MIER2: variants seen among roughly 807,000 people sequenced by gnomAD.
MIER2 encodes the protein mesoderm induction early response protein 2.
Under a neutral mutation model 67.6 loss-of-function variants are expected in MIER2, and 30 were observed. That is an observed-to-expected ratio of 0.44 (90% CI 0.33 to 0.60). MIER2 has a LOEUF of 0.60. Ranked by LOEUF, MIER2 falls within the 20% of genes least tolerant of loss-of-function variation. MIER2 has a pLI of 0.02. For missense variants in MIER2, 702 were observed against 745.1 expected (o/e 0.94, Z 0.67); for synonymous variants, 372 against 312.6 (o/e 1.19, Z -2.00).
intron 10 of MIER2, among the ~76,000 whole-genome samples, chr19:310,367 C>T (rs1178852077): frequency 2.0e-5 from 3 of 152,208 alleles, no homozygotes; most frequent in African/African-American, 4.8e-5. Flanking sequence ...CTCAAACGCA[C>T]GCCACGAGGG....
intron 6 of MIER2, among the ~76,000 whole-genome samples, chr19:326,092 G>A (rs186946563): frequency 2.2e-4 from 34 of 152,384 alleles, no homozygotes; most frequent in Admixed American, 2.6e-4. Flanking sequence ...AGCAGGACCC[G>A]GCTGCGGTTA....
chr19:317,841 C>T (rs1971324298), intron 7 of MIER2, among the ~76,000 whole-genome samples: 1 of 151,578 alleles, frequency 6.6e-6, no homozygotes, highest in Admixed American at 6.6e-5. Context: ...ACATGACATA[C>T]AAGTGATTTA....
intron 1 of MIER2, chr19:343,949 T>C (rs1273614099): frequency 1.4e-5 from 14 of 985,456 alleles, no homozygotes; most frequent in Non-Finnish European, 1.6e-5. Context: ...AAGCTATCTG[T>C]TGTCTTATCC....
At chr19:324,138 C>T (rs1047416960) in intron 7 of MIER2, among the ~76,000 whole-genome samples, 10 of 137,152 alleles carry the variant, frequency 7.3e-5, no homozygotes, top group South Asian at 4.4e-4. Flanking sequence ...ACCACACAGA[C>T]GACTCGAATG....
In MIER2 at chr19:308,265, G is replaced by A. The variant is rs540194551; in HGVS notation, c.1198+312C>T. On this transcript the variant is annotated intron_variant, in intron 12 of 13. Coordinates refer to ENST00000264819, the MANE Select transcript of MIER2 (RefSeq NM_017550.3). This position sits in a 1 kb window ranked among gnomAD's most constrained non-coding sequence, Gnocchi z 9.1. ...CGGGCTAAGTCCCCACCCTGGGGCA[G>A]GAAGGCCCTCCCCGGAGACTGAGGC... Among the ~76,000 whole-genome samples, 23 of 152,298 alleles carry A rather than the reference G, an allele frequency of 1.5e-4. No individual in the cohort carries two copies. The East Asian group carries it at 2.9e-3, about 19-fold the overall frequency.
At chr19:341,301 G>A (rs1424021030) in intron 1 of MIER2, among the ~76,000 whole-genome samples, 21 of 141,328 alleles carry the variant, frequency 1.5e-4, no homozygotes. Context: ...AGTCCCGCAG[G>A]CTTGAGATCC....
In MIER2 at chr19:306,599, G is replaced by C. The variant is rs992192601; in HGVS notation, c.*91C>G. ...GGAGGTGCTACCCCAAGGCCCGGGG[G>C]GTGGGGAAGGGGTCAGGAAGACTGA... is the stretch of plus-strand genomic sequence containing the variant. On this transcript the variant is annotated 3_prime_UTR_variant, in exon 14 of 14. Transcript: ENST00000264819. The C allele has an allele frequency of 4.7e-6, 7 of 1,504,606 alleles. No individual in the cohort carries two copies. In the African/African-American group the frequency reaches 9.7e-5, roughly 21 times the overall value. The allele number at this position is 1,504,606 out of a possible 1,614,324, so 93.2% of individuals were successfully genotyped here. A position where few individuals can be genotyped will look rare whatever the true frequency, so the allele number is the denominator to read the frequency against.
At chr19:310,331 C>A (rs1217280965) in intron 10 of MIER2, among the ~76,000 whole-genome samples, 1 of 152,234 alleles carries the variant, frequency 6.6e-6, no homozygotes, top group Non-Finnish European at 1.5e-5. Context: ...GGGGCGAGAC[C>A]GAGACAACCT....
rs890049805 is a variant in MIER2, at chr19:307,513, C to T, written c.1222G>A (p.Ala408Thr). The change falls in exon 13 of 14, where the codon GCC becomes ACC. Residue 408 changes from alanine (A) to threonine (T), a missense_variant. By Grantham distance (58) the Ala-to-Thr change is moderately conservative. Coordinates refer to ENST00000264819, the MANE Select transcript of MIER2 (RefSeq NM_017550.3). ...RTDPLSVDGT[A>T]GGLDEPGVAS... ...ACTCCGGGCTCATCGAGACCACCGG[C>T]CGTGCCATCCACGCTCAGTGGATCT... 3.3e-6 allele frequency: 5 copies of T among 1,513,688 alleles called. No homozygotes were observed. Among genetic ancestry groups the T allele is most frequent in the Non-Finnish European group, 4.4e-6 (5 of 1,136,632 alleles). The allele number at this position is 1,513,688 out of a possible 1,614,324, so 93.8% of individuals were successfully genotyped here.
chr19:336,881 C>T (rs113142147), intron 1 of MIER2, among the ~76,000 whole-genome samples: 18,233 of 151,876 alleles, frequency 0.12, 1,415 homozygotes, highest in African/African-American at 0.2. Flanking sequence ...CTTGCTCTGT[C>T]GCCCAGGCTG....
Position 325,826 on chromosome 19 carries a change from T to C in MIER2, c.586-122A>G, listed in dbSNP as rs1023329439. On this transcript the variant is annotated intron_variant, in intron 6 of 13. Transcript: ENST00000264819. ...CCACTGTCCAGACCCCAGACCCATC[T>C]GTGCCGTCTACCTGCTGATGCCCAG... 1.6e-5 allele frequency: 17 copies of C among 1,054,992 alleles called. No individual in the cohort carries two copies. The African/African-American group carries it at 1.9e-4, about 12-fold the overall frequency. 65.4% of individuals were successfully genotyped at this position (1,054,992 alleles called of 1,614,324 possible).
At position 327,379 on chromosome 19, in the gene MIER2, A is replaced by C. The variant is rs1335472587; in HGVS notation, c.370-123T>G. On this transcript the variant is annotated intron_variant, in intron 4 of 13. Transcript: ENST00000264819. ...AGGCTCACATGGGGCTGCTATTCCC[A>C]TTCTGCAAAGGGTGCACAGCGTGGG... The C allele has an allele frequency of 2.0e-5, 25 of 1,259,868 alleles. No individual in the cohort carries two copies. The South Asian group carries it at 3.4e-4, about 17-fold the overall frequency. The allele number at this position is 1,259,868 out of a possible 1,614,324, so 78.0% of individuals were successfully genotyped here.
chr19:323,184 T>C (rs545126410), intron 7 of MIER2, among the ~76,000 whole-genome samples: 17 of 140,446 alleles, frequency 1.2e-4, no homozygotes, highest in African/African-American at 4.6e-4. Context: ...ACAGACGTCA[T>C]CACAATGCAA....
intron 1 of MIER2, chr19:344,286 C>G (rs951707397): frequency 2.0e-6 from 2 of 984,988 alleles, no homozygotes; most frequent in African/African-American, 3.5e-5. Context: ...GGCTCGCGGG[C>G]GGCGGAGGCG....
intron 1 of MIER2, among the ~76,000 whole-genome samples, chr19:339,155 C>A (rs1972390618): frequency 6.6e-6 from 1 of 150,514 alleles, no homozygotes; most frequent in Non-Finnish European, 1.5e-5. Context: ...AGGACGCCCC[C>A]AAGAAAGTGA....
Position 341,953 on chromosome 19 carries a change from G to A in MIER2, c.9+2821C>T, listed in dbSNP as rs1016405300. On this transcript the variant is annotated intron_variant, in intron 1 of 13. Coordinates refer to ENST00000264819, the MANE Select transcript of MIER2 (RefSeq NM_017550.3). ...CCCCAGGGCAGCCCCCACAGGTATAGAGTGCACCAAAAACACAAGAGGCCA... is the reference window on the plus strand; with the variant it reads ...CCCCAGGGCAGCCCCCACAGGTATAAAGTGCACCAAAAACACAAGAGGCCA... Among the ~76,000 whole-genome samples the A allele has an allele frequency of 3.9e-5, 6 of 152,106 alleles. No individual in the cohort carries two copies. In the South Asian group the frequency reaches 6.2e-4, roughly 16 times the overall value.
chr19:317,919 C>G lies in MIER2; in HGVS notation c.656-4276G>C, dbSNP rs973621184. On this transcript the variant is annotated intron_variant, in intron 7 of 13. Transcript: ENST00000264819. The stretch of plus-strand genomic sequence containing the variant: ...TTTCTCAGACAATTAAAAATAAGAT[C>G]TAGGTCGGACACAGTGGCTCACACC... Among the ~76,000 whole-genome samples the G allele has an allele frequency of 1.2e-4, 18 of 152,046 alleles. 1 individual carries two copies.
chr19:318,386 AAG>A (rs1488187269), intron 7 of MIER2, among the ~76,000 whole-genome samples: 1 of 152,236 alleles, frequency 6.6e-6, no homozygotes. Context: ...ACAATGGTAA[AAG>A]AAACAATTCA....
intron 3 of MIER2, 113 bp from the exon 4 acceptor site, chr19:328,102 C>T: frequency 2.8e-6 from 4 of 1,418,460 alleles, no homozygotes; most frequent in Non-Finnish European, 2.8e-6. Flanking sequence ...CTGTCACACC[C>T]ATAGCAACTC....
Sources: allele counts gnomAD v4.1 joint callset (sites outside exome capture counted in the v4.1 genomes callset), GRCh38; gene constraint gnomAD v4.1.1; non-coding constraint Gnocchi (gnomAD v3.1); transcripts MANE v1.5; gene names NCBI Gene and HGNC (gene_info 2026-07-23, HGNC 2026-07-21).